ETV5: variants seen among roughly 807,000 people sequenced by gnomAD.
ETV5 encodes ETS variant transcription factor 5.
A neutral mutation model predicts 70.0 loss-of-function variants in ETV5; 10 were observed. That is an observed-to-expected ratio of 0.14 (90% CI 0.09 to 0.24). ETV5 has a LOEUF of 0.24. ETV5 is among the 10% of genes least tolerant of loss of function. The pLI is 1.00. For synonymous variants in ETV5, 216 were observed against 242.2 expected (o/e 0.89, Z 1.01); for missense variants, 453 against 651.2 (o/e 0.70, Z 3.31).
At chr3:186,092,405 T>C (rs1428171255) in intron 5 of ETV5, among the ~76,000 whole-genome samples, 1 of 152,152 alleles carries the variant, frequency 6.6e-6, no homozygotes, top group Non-Finnish European at 1.5e-5. Flanking sequence ...ATTGATAAAA[T>C]TTTCCCCACC....
chr3:186,091,531 A>G (rs766302926), intron 5 of ETV5, among the ~76,000 whole-genome samples: 16 of 152,186 alleles, frequency 1.1e-4, no homozygotes, highest in Non-Finnish European at 2.1e-4. Context: ...GCAAGAGCCA[A>G]ATTAGGGAGT....
chr3:186,088,372 C>G (rs1714106080), intron 5 of ETV5, among the ~76,000 whole-genome samples: 1 of 152,174 alleles, frequency 6.6e-6, no homozygotes, highest in African/African-American at 2.4e-5. Context: ...GTGGAATGTA[C>G]ACAAATAGTA....
In ETV5 at chr3:186,057,159, G is replaced by T; in HGVS notation, c.1125C>A (p.Val375=). The change falls in exon 11 of 13, where the codon GTC becomes GTA. Residue 375 remains valine, a synonymous_variant. Transcript: ENST00000306376. The surrounding 1 kb of genome is among the most constrained non-coding windows in gnomAD (Gnocchi z 4.9). ...RGSLQLWQFL[V]TLLDDPANAH... The stretch of plus-strand genomic sequence containing the variant: ...CATTGGCTGGGTCATCAAGAAGGGT[G>T]ACCAGGAACTGCCACAGCTGAAGGG... 1 of 1,614,172 alleles carries T rather than the reference G, an allele frequency of 6.2e-7. No homozygotes were observed. The highest frequency in any genetic ancestry group is 1.1e-5 in the South Asian group (1 of 91,080).
In ETV5 at chr3:186,105,367, A is replaced by AT. The variant is rs762234801; in HGVS notation, c.182-13dup. Reference sequence around the variant, plus strand: ...ATCAGGAACTTGTGCTGGAAAATAGATTTTTATTTTAGACCTTTAAGTTTT... The same window carrying AT: ...ATCAGGAACTTGTGCTGGAAAATAGATTTTTTATTTTAGACCTTTAAGTTTT... On this transcript the variant is annotated splice_polypyrimidine_tract_variant and intron_variant, in intron 4 of 12. Coordinates refer to ENST00000306376, the MANE Select transcript of ETV5 (RefSeq NM_004454.3). The surrounding 1 kb of genome is among the most constrained non-coding windows in gnomAD (Gnocchi z 4.5). 2.6e-5 allele frequency: 42 copies of AT among 1,612,800 alleles called. No homozygotes were observed. The highest frequency in any genetic ancestry group is 3.6e-5 in the Non-Finnish European group (42 of 1,179,668).
chr3:186,054,820 C>G lies in ETV5; in HGVS notation c.1209+2255G>C, dbSNP rs1713117921. Among the ~76,000 whole-genome samples, 1 of 152,130 alleles carries G rather than the reference C, an allele frequency of 6.6e-6. No individual in the cohort carries two copies. The highest frequency in any genetic ancestry group is 1.5e-5 in the Non-Finnish European group (1 of 68,026). ...GGTATACAAGGAGGGGTGGGGGGAG[C>G]TCAGCAAATGTCACCTGTCCTGAGG... On this transcript the variant is annotated intron_variant, in intron 11 of 12. Transcript: ENST00000306376. This position sits in a 1 kb window ranked among gnomAD's most constrained non-coding sequence, Gnocchi z 4.4.
At position 186,105,231 on chromosome 3, in the gene ETV5, G is replaced by T; in HGVS notation, c.232+74C>A. 1 of 1,312,714 alleles carries T rather than the reference G, an allele frequency of 7.6e-7. No individual in the cohort carries two copies. The highest frequency in any genetic ancestry group is 1.1e-6 in the Non-Finnish European group (1 of 932,278). The allele number at this position is 1,312,714 out of a possible 1,614,324, so 81.3% of individuals were successfully genotyped here. On this transcript the variant is annotated intron_variant, in intron 5 of 12. Coordinates refer to ENST00000306376, the MANE Select transcript of ETV5 (RefSeq NM_004454.3). The surrounding 1 kb of genome is among the most constrained non-coding windows in gnomAD (Gnocchi z 4.5). ...CTAAATCTGGCCATAGCTGAAAAAA[G>T]CATATTCTAGACATGGATGATCTAA...
chr3:186,102,636 CAAAAAAAAA>C (rs35154225), intron 5 of ETV5, among the ~76,000 whole-genome samples: 5 of 91,842 alleles, frequency 5.4e-5, no homozygotes, highest in Non-Finnish European at 1.1e-4. Context: ...ACTCTCTCTC[CAAAAAAAAA>C]AAAAAAAAAA....
At chr3:186,108,365 C>T in intron 1 of ETV5, 1 of 567,860 alleles carries the variant, frequency 1.8e-6, no homozygotes, top group South Asian at 1.5e-5. Flanking sequence ...TGGGTGGGAG[C>T]AGGGCGACTG....
intron 5 of ETV5, among the ~76,000 whole-genome samples, chr3:186,096,022 T>A: frequency 6.6e-6 from 1 of 152,232 alleles, no homozygotes; most frequent in Non-Finnish European, 1.5e-5. Flanking sequence ...GAAATGTGAT[T>A]TGTTTCCTGT....
chr3:186,065,795 GC>G lies in ETV5; in HGVS notation c.910+17del. 3 of 1,613,740 alleles carry G rather than the reference GC, an allele frequency of 1.9e-6. No homozygotes were observed. The highest frequency in any genetic ancestry group is 2.5e-6 in the Non-Finnish European group (3 of 1,179,984). On this transcript the variant is annotated intron_variant, in intron 8 of 12. Transcript: ENST00000306376. The stretch of plus-strand genomic sequence containing the variant: ...GAATGCAAGAATGAAGCAAAGAATA[GC>G]ACAATTTGATGCTGACCTGAATCGA...
At chr3:186,058,099 T>G (rs1713211151) in intron 9 of ETV5, among the ~76,000 whole-genome samples, 1 of 152,074 alleles carries the variant, frequency 6.6e-6, no homozygotes, top group African/African-American at 2.4e-5. Context: ...ATGAAACAAA[T>G]TCACTGTATA....
intron 7 of ETV5, among the ~76,000 whole-genome samples, chr3:186,071,721 G>A (rs551480085): frequency 0.013 from 1,897 of 150,624 alleles, 33 homozygotes; most frequent in South Asian, 0.026. Context: ...TTGGGAGCTC[G>A]AGGCGGGCAG....
intron 5 of ETV5, among the ~76,000 whole-genome samples, chr3:186,082,070 A>G (rs1453013608): frequency 6.6e-6 from 1 of 152,248 alleles, no homozygotes; most frequent in African/African-American, 2.4e-5. Context: ...AAACCCAAAG[A>G]ACAAAAAACC....
At chr3:186,088,437 T>TC (rs1233650722) in intron 5 of ETV5, among the ~76,000 whole-genome samples, 4 of 152,182 alleles carry the variant, frequency 2.6e-5, no homozygotes, top group African/African-American at 9.7e-5. Context: ...GAAGGCCTTC[T>TC]CCTAAGTCTC....
intron 5 of ETV5, among the ~76,000 whole-genome samples, chr3:186,093,102 G>C (rs1714220705): frequency 6.6e-6 from 1 of 152,194 alleles, no homozygotes; most frequent in African/African-American, 2.4e-5. Flanking sequence ...CAACAATGGA[G>C]AAATCCAGCA....
intron 7 of ETV5, among the ~76,000 whole-genome samples, chr3:186,076,099 T>C (rs60978794): frequency 0.068 from 10,365 of 152,270 alleles, 1,222 homozygotes; most frequent in East Asian, 0.54. Context: ...TTTTTTCAGC[T>C]GGTCTTTCAG....
chr3:186,080,169 C>T lies in ETV5; in HGVS notation c.363-65G>A, dbSNP rs1713897895. ...GAAGCCATTAGCATGGTTACCAGGT[C>T]CAGCAGAAAGCTAGTTTGCAGCCCA... On this transcript the variant is annotated intron_variant, in intron 6 of 12. Transcript: ENST00000306376. 4 of 1,356,044 alleles carry T rather than the reference C, an allele frequency of 2.9e-6. No homozygotes were observed. The African/African-American group carries it at 4.5e-5, about 15-fold the overall frequency. The allele number at this position is 1,356,044 out of a possible 1,614,324, so 84.0% of individuals were successfully genotyped here. A position where few individuals can be genotyped will look rare whatever the true frequency, so the allele number is the denominator to read the frequency against.
chr3:186,087,379 T>C (rs902952512), intron 5 of ETV5, among the ~76,000 whole-genome samples: 1 of 152,198 alleles, frequency 6.6e-6, no homozygotes, highest in Non-Finnish European at 1.5e-5. Context: ...GGAGTCTTCT[T>C]ATAGTCTGAT....
intron 7 of ETV5, 59 bp from the exon 8 acceptor site, chr3:186,066,131 T>G (rs1334150755): frequency 2.7e-6 from 4 of 1,456,770 alleles, no homozygotes; most frequent in Non-Finnish European, 3.7e-6. Flanking sequence ...CTACTATGAT[T>G]GAGCACTGGG....
Sources: gnomAD v4.1 joint callset for allele counts (sites outside exome capture counted in the v4.1 genomes callset) on GRCh38, gnomAD v4.1.1 for gene constraint, Gnocchi (gnomAD v3.1) non-coding constraint, MANE v1.5 for transcripts, NCBI Gene and HGNC (gene_info 2026-07-23, HGNC 2026-07-21) for gene names.